CEACAM4: variants seen among roughly 807,000 people sequenced by gnomAD.
CEACAM4 encodes cell adhesion molecule CEACAM4.
In CEACAM4, 30 loss-of-function variants were observed where a neutral mutation model predicts 28.7. The ratio of observed to expected loss-of-function variants is 1.05; its 90% confidence interval spans 0.78 to 1.42. The LOEUF (loss-of-function observed/expected upper bound fraction) is 1.42. CEACAM4 is among the 40% of genes most tolerant of loss of function. CEACAM4 has a pLI of 0.00. For synonymous variants in CEACAM4, 143 were observed against 126.5 expected (o/e 1.13, Z -0.87); for missense variants, 330 against 308.2 (o/e 1.07, Z -0.53).
At chr19:41,618,161 G>A (rs1328419531), downstream of CEACAM4, among the ~76,000 whole-genome samples, 1 of 152,172 alleles carries the variant, frequency 6.6e-6, no homozygotes, top group Non-Finnish European at 1.5e-5. Context: ...GCTGTCCCAG[G>A]TGTGTGGAGG....
rs782534408 is a variant in CEACAM4 at position 41,619,603 on chromosome 19, G to C, written c.669+67C>G. 4.5e-6 allele frequency: 7 copies of C among 1,566,290 alleles called. No individual in the cohort carries two copies. In the South Asian group the frequency reaches 8.2e-5, roughly 18 times the overall value. On this transcript the variant is annotated intron_variant, in intron 6 of 6. Coordinates refer to ENST00000221954, the MANE Select transcript of CEACAM4 (RefSeq NM_001817.4). ...TTCCTGAATCTGAGCTCAGCCAGGT[G>C]CTGGTGGGGGCAGATCCTGGGTCCC...
Position 41,623,035 on chromosome 19 carries a change from G to C in CEACAM4, c.425-1267C>G, listed in dbSNP as rs544001887. Among the ~76,000 whole-genome samples, 3 of 152,262 alleles carry C rather than the reference G, an allele frequency of 2.0e-5. No homozygotes were observed. The South Asian group carries it at 6.2e-4, about 32-fold the overall frequency. ...TATTGTTTTTTGTTTGTTTGTTTTA[G>C]AGATGGAATCTCGCTCTGTTGCCCA... is the stretch of plus-strand genomic sequence containing the variant. On this transcript the variant is annotated intron_variant, in intron 2 of 6. Transcript: ENST00000221954.
intron 2 of CEACAM4, among the ~76,000 whole-genome samples, chr19:41,622,820 G>T (rs551443817): frequency 6.8e-6 from 1 of 146,148 alleles, no homozygotes; most frequent in South Asian, 2.2e-4. Flanking sequence ...AGGTGTTACA[G>T]TGAGTTTGAT....
chr19:41,620,499 C>A lies in CEACAM4; in HGVS notation c.595+76G>T, dbSNP rs782669648. On this transcript the variant is annotated intron_variant, in intron 4 of 6. Coordinates refer to ENST00000221954, the MANE Select transcript of CEACAM4 (RefSeq NM_001817.4). ...CCCCAAAGAAAGGGTCAGAGGCCCCCAGGGGGTGACTGGCAGGAGTGGACA... is the reference window on the plus strand; with the variant it reads ...CCCCAAAGAAAGGGTCAGAGGCCCCAAGGGGGTGACTGGCAGGAGTGGACA... 121 of 1,307,570 alleles carry A rather than the reference C, an allele frequency of 9.3e-5. 2 individuals carry two copies. The Middle Eastern group carries it at 4.4e-3, about 47-fold the overall frequency. 81.0% of individuals were successfully genotyped at this position (1,307,570 alleles called of 1,614,324 possible).
At chr19:41,615,691 T>C (rs1042596726), downstream of CEACAM4, among the ~76,000 whole-genome samples, 3 of 151,840 alleles carry the variant, frequency 2.0e-5, no homozygotes, top group Non-Finnish European at 4.4e-5. Context: ...AGGACAGACA[T>C]TGAGTGTGAG....
chr19:41,619,158 T>C lies in CEACAM4; in HGVS notation c.*172A>G. 3 of 617,738 alleles carry C rather than the reference T, an allele frequency of 4.9e-6. No individual in the cohort carries two copies. Among genetic ancestry groups the C allele is most frequent in the Non-Finnish European group, 5.7e-6 (2 of 349,964 alleles). 38.3% of individuals were successfully genotyped at this position (617,738 alleles called of 1,614,324 possible). ...CCCACCCAGAGCCCAGGGCAACCTG[T>C]CAGGGTCTCCAGATATTCAGCAGGG... On this transcript the variant is annotated 3_prime_UTR_variant, in exon 7 of 7. Transcript: ENST00000221954.
At chr19:41,614,035 G>A (rs1045482049), downstream of CEACAM4, among the ~76,000 whole-genome samples, 2 of 152,236 alleles carry the variant, frequency 1.3e-5, no homozygotes, top group Non-Finnish European at 2.9e-5. Context: ...GCAACATTCT[G>A]TTAGGTGCAG....
intron 5 of CEACAM4, among the ~76,000 whole-genome samples, 162 bp from the exon 6 acceptor site, chr19:41,619,873 C>T (rs1279448601): frequency 6.6e-6 from 1 of 152,096 alleles, no homozygotes; most frequent in Non-Finnish European, 1.5e-5. Context: ...GCTCAGCCTC[C>T]CAGTGTGGAC....
rs1555800670 is a variant in CEACAM4 at position 41,620,258 on chromosome 19, G to A, written c.596-16C>T. 3 of 1,469,706 alleles carry A rather than the reference G, an allele frequency of 2.0e-6. No individual in the cohort carries two copies. The highest frequency in any genetic ancestry group is 2.7e-6 in the Non-Finnish European group (3 of 1,113,778). The allele number at this position is 1,469,706 out of a possible 1,614,324, so 91.0% of individuals were successfully genotyped here. A position where few individuals can be genotyped will look rare whatever the true frequency, so the allele number is the denominator to read the frequency against. On this transcript the variant is annotated splice_polypyrimidine_tract_variant and intron_variant, in intron 4 of 6. Coordinates refer to ENST00000221954, the MANE Select transcript of CEACAM4 (RefSeq NM_001817.4). ...GGACCATGGCCTGGGGACAGAGACA[G>A]GAGTGAGCAGCAGGGTGGGAGGAGA...
chr19:41,617,909 CA>C (rs2071019381), downstream of CEACAM4, among the ~76,000 whole-genome samples: 1 of 152,136 alleles, frequency 6.6e-6, no homozygotes, highest in Admixed American at 6.5e-5. Flanking sequence ...CAGGTGGGAT[CA>C]GGGGTCATTT....
rs370913347 is a variant in CEACAM4, at chr19:41,627,049, G to A, written c.-86C>T. On this transcript the variant is annotated 5_prime_UTR_variant, in exon 1 of 7. Transcript: ENST00000221954. Reference sequence around the variant, plus strand: ...AGAGCTGCTGTGACTGTCGGCTGTCGGGGCTGCTGACCTTCCTCCTTCTGT... The same window carrying A: ...AGAGCTGCTGTGACTGTCGGCTGTCAGGGCTGCTGACCTTCCTCCTTCTGT... 48 of 1,223,772 alleles carry A rather than the reference G, an allele frequency of 3.9e-5. No individual in the cohort carries two copies. The highest frequency in any genetic ancestry group is 1.9e-4 in the Admixed American group (8 of 41,226). The allele number at this position is 1,223,772 out of a possible 1,614,324, so 75.8% of individuals were successfully genotyped here. A position where few individuals can be genotyped will look rare whatever the true frequency, so the allele number is the denominator to read the frequency against.
rs782116692 is a variant in CEACAM4, at chr19:41,625,745, C to G, written c.280G>C (p.Ala94Pro). 1 of 1,613,948 alleles carries G rather than the reference C, an allele frequency of 6.2e-7. No homozygotes were observed. ...TDIQANIPGA[A>P]YSGRETVYPN... ...TATACTGTCTCTCGACCACTGTATG[C>G]GGCCCCTGGGATATTTGCTTGAATG... Residue 94 changes from alanine (A) to proline (P), a missense_variant, in exon 2 of 7, where the codon GCA becomes CCA. Transcript: ENST00000221954.
rs373281524 is a variant in CEACAM4 at position 41,625,754 on chromosome 19, G to A, written c.271C>T (p.Pro91Ser). ...TCTCGACCACTGTATGCGGCCCCTG[G>A]GATATTTGCTTGAATGTCTGTTATA... ...GYITDIQANI[P>S]GAAYSGRETV... The change falls in exon 2 of 7, where the codon CCA becomes TCA. Residue 91 changes from proline to serine, a missense_variant. Transcript: ENST00000221954. 1.2e-6 allele frequency: 2 copies of A among 1,613,974 alleles called. No individual in the cohort carries two copies. Among genetic ancestry groups the A allele is most frequent in the East Asian group, 2.2e-5 (1 of 44,854 alleles).
At chr19:41,620,024 C>G (rs967195563) in intron 5 of CEACAM4, among the ~76,000 whole-genome samples, 187 bp downstream of exon 5, 1 of 152,064 alleles carries the variant, frequency 6.6e-6, no homozygotes, top group African/African-American at 2.4e-5. Context: ...GGGGAGGGGT[C>G]AGCACATGGC....
chr19:41,620,290 G>T, intron 4 of CEACAM4, 48 bp from the exon 5 acceptor site: 3 of 1,410,340 alleles, frequency 2.1e-6, no homozygotes, highest in South Asian at 3.2e-5. Context: ...GAGAGCCTGG[G>T]CCCCTCCTGC....
chr19:41,614,395 G>T (rs2070964122), downstream of CEACAM4, among the ~76,000 whole-genome samples: 1 of 152,192 alleles, frequency 6.6e-6, no homozygotes, highest in African/African-American at 2.4e-5. Context: ...GTAGGATAGT[G>T]GTCAGAGCGT....
chr19:41,625,095 C>T (rs1223811421), intron 2 of CEACAM4, among the ~76,000 whole-genome samples: 1 of 152,196 alleles, frequency 6.6e-6, no homozygotes, highest in African/African-American at 2.4e-5. Flanking sequence ...CTAGATGAGA[C>T]TCTGGGAGCT....
rs561905811 is a variant in CEACAM4, at chr19:41,620,487, G to A, written c.595+88C>T. ...TCCTCCTTGCAGCCCCAAAGAAAGG[G>A]TCAGAGGCCCCCAGGGGGTGACTGG... On this transcript the variant is annotated intron_variant, in intron 4 of 6. Transcript: ENST00000221954. 2.5e-5 allele frequency: 30 copies of A among 1,177,864 alleles called. No homozygotes were observed. In the African/African-American group the frequency reaches 2.7e-4, roughly 10 times the overall value. The allele number at this position is 1,177,864 out of a possible 1,614,324, so 73.0% of individuals were successfully genotyped here.
At position 41,620,203 on chromosome 19, in the gene CEACAM4, A is replaced by G; in HGVS notation, c.627+8T>C. 6.7e-7 allele frequency: 1 copy of G among 1,490,216 alleles called. No individual in the cohort carries two copies. Among genetic ancestry groups the G allele is most frequent in the South Asian group, 1.4e-5 (1 of 72,490 alleles). 92.3% of individuals were successfully genotyped at this position (1,490,216 alleles called of 1,614,324 possible). On this transcript the variant is annotated splice_region_variant and intron_variant, in intron 5 of 6. Transcript: ENST00000221954. ...AGTAGAAAAGGGCTGGGGAGGGAAC[A>G]GGCTTACCGAGAAGGTGGATCTGTG... is the stretch of plus-strand genomic sequence containing the variant.
Sources: gnomAD v4.1 joint callset for allele counts (sites outside exome capture counted in the v4.1 genomes callset) on GRCh38, gnomAD v4.1.1 for gene constraint, MANE v1.5 for transcripts, NCBI Gene and HGNC (gene_info 2026-07-23, HGNC 2026-07-21) for gene names.